Variants in RBMXL1 observed in about 807,000 individuals in gnomAD.
RBMXL1 encodes RNA binding motif protein, X-linked-like-1.
Under a neutral mutation model 29.0 loss-of-function variants are expected in RBMXL1, and 18 were observed. The observed-to-expected ratio is 0.62, with a 90% CI of 0.43 to 0.92. The LOEUF (loss-of-function observed/expected upper bound fraction) is 0.92, where lower values mean the gene tolerates loss of function less well. Among genes scored for constraint, RBMXL1 ranks in the 40% least tolerant of loss-of-function variants. RBMXL1 has a pLI of 0.00. For missense variants in RBMXL1, 403 were observed against 495.8 expected, an observed-to-expected ratio of 0.81 and a Z score of 1.78; for synonymous variants, 141 against 170.4, an observed-to-expected ratio of 0.83 and a Z score of 1.34.
chr1:88,985,368 T>C (rs1178448943), intron 2 of RBMXL1, among the ~76,000 whole-genome samples: 2 of 152,130 alleles, frequency 1.3e-5, no homozygotes, highest in Non-Finnish European at 2.9e-5. Flanking sequence ...TCAAGACAAC[T>C]AGAAGTTTGG....
Position 88,979,928 on chromosome 1 carries a change from A to G in RBMXL1, c.*2726T>C, listed in dbSNP as rs1676995624. 6.6e-6 allele frequency: 1 copy of G among 152,232 alleles called. No homozygotes were observed. Among genetic ancestry groups the G allele is most frequent in the African/African-American group, 2.4e-5 (1 of 41,440 alleles). 9.4% of individuals were successfully genotyped at this position (152,232 alleles called of 1,614,324 possible). On this transcript the variant is annotated 3_prime_UTR_variant, in exon 3 of 3. Transcript: ENST00000652648. ...ACTGGAAACAATCCCAAGGTCCATC[A>G]ACAGGTGAGTAGAAAAACAAATAAT...
rs1412553067 is a variant in RBMXL1 at position 88,982,745 on chromosome 1, T to C, written c.1082A>G (p.Asp361Gly). The change falls in exon 3 of 3, where the codon GAT (aspartate) becomes GGT (glycine). Residue 361 changes from aspartate to glycine, a missense_variant. Transcript: ENST00000652648. ...SVERGYPSSR[D>G]SYSSSSRGAP... ...TCCGCGGCTTGAACTGCTGTAGGAATCACGTGAAGAAGGGTACCCCCTTTC... is the reference window on the plus strand; with the variant it reads ...TCCGCGGCTTGAACTGCTGTAGGAACCACGTGAAGAAGGGTACCCCCTTTC... 6.2e-7 allele frequency: 1 copy of C among 1,613,950 alleles called. No homozygotes were observed. Among genetic ancestry groups the C allele is most frequent in the East Asian group, 2.2e-5 (1 of 44,866 alleles).
chr1:88,983,800 C>T lies in RBMXL1; in HGVS notation c.27G>A (p.Lys9=), dbSNP rs74100106. 7.0e-7 allele frequency: 1 copy of T among 1,432,628 alleles called. No individual in the cohort carries two copies. The highest frequency in any genetic ancestry group is 9.4e-7 in the Non-Finnish European group (1 of 1,059,546). The allele number at this position is 1,432,628 out of a possible 1,614,324, so 88.7% of individuals were successfully genotyped here. A position where few individuals can be genotyped will look rare whatever the true frequency, so the allele number is the denominator to read the frequency against. The change falls in exon 3 of 3, where the codon AAG becomes AAA. Residue 9 remains lysine (K), a synonymous_variant. Transcript: ENST00000652648. The stretch of plus-strand genomic sequence containing the variant: ...CCGTATTAAGCCCACCAATGAAGAG[C>T]TTTCCTGGGCGATCTGCTTCAACCA... The part of the protein sequence containing the change: MVEADRPG[K]LFIGGLNTET...
chr1:88,986,158 G>A (rs1677437873), intron 2 of RBMXL1, among the ~76,000 whole-genome samples: 1 of 150,426 alleles, frequency 6.6e-6, no homozygotes, highest in African/African-American at 2.4e-5. Context: ...TCCAGCCTGG[G>A]CGGCAAGAGT....
At chr1:88,986,204 GAGAGAC>G (rs1398510060) in intron 2 of RBMXL1, among the ~76,000 whole-genome samples, 5 of 151,208 alleles carry the variant, frequency 3.3e-5, no homozygotes, top group African/African-American at 1.2e-4. Context: ...GAGAGAGAGA[GAGAGAC>G]AGAGAGAGTT....
chr1:88,984,996 A>G (rs989046818), intron 2 of RBMXL1, among the ~76,000 whole-genome samples: 3 of 152,240 alleles, frequency 2.0e-5, no homozygotes, highest in Non-Finnish European at 4.4e-5. Context: ...GTTCATTTTT[A>G]TATTTGTATG....
rs761978812 is a variant in RBMXL1 at position 88,983,643 on chromosome 1, C to G, written c.184G>C (p.Ala62Pro). 1.2e-6 allele frequency: 2 copies of G among 1,613,902 alleles called. No homozygotes were observed. The highest frequency in any genetic ancestry group is 8.5e-7 in the Non-Finnish European group (1 of 1,180,034). ...TTCATGTCTCTGGCTGCATCCTTAG[C>G]GTCTGCTGGGCTTTCAAAGGTGACA... ...AFVTFESPADAKDAARDMNGK... is the reference protein window; with the variant it reads ...AFVTFESPADPKDAARDMNGK... Residue 62 changes from alanine (A) to proline (P), a missense_variant, in exon 3 of 3, where the codon GCT becomes CCT. Coordinates refer to ENST00000652648, the MANE Select transcript of RBMXL1 (RefSeq NM_001162536.3).
At chr1:88,990,080 C>T (rs1005213569) in intron 1 of RBMXL1, among the ~76,000 whole-genome samples, 1 of 152,166 alleles carries the variant, frequency 6.6e-6, no homozygotes, top group Non-Finnish European at 1.5e-5. Context: ...AAGCAGATTG[C>T]GCTCTCTACT....
intron 1 of RBMXL1, among the ~76,000 whole-genome samples, chr1:88,990,649 G>A (rs1331898227): frequency 6.6e-6 from 1 of 152,070 alleles, no homozygotes; most frequent in Admixed American, 6.5e-5. Flanking sequence ...CTAGACCTAG[G>A]CTCTCTTTCC....
chr1:88,988,400 A>C, intron 1 of RBMXL1, 49 bp from the exon 2 acceptor site: 1 of 1,063,358 alleles, frequency 9.4e-7, no homozygotes, highest in South Asian at 1.3e-5. Flanking sequence ...TATGATGGGT[A>C]CATCACTATC....
chr1:88,985,741 AATAT>A (rs1196502250), intron 2 of RBMXL1, among the ~76,000 whole-genome samples: 1 of 152,192 alleles, frequency 6.6e-6, no homozygotes, highest in Non-Finnish European at 1.5e-5. Context: ...CATGGCATAC[AATAT>A]ATATACTCCA....
chr1:88,986,206 GAGAC>G (rs1454820348), intron 2 of RBMXL1, among the ~76,000 whole-genome samples: 32 of 148,128 alleles, frequency 2.2e-4, no homozygotes, highest in African/African-American at 7.7e-4. Flanking sequence ...GAGAGAGAGA[GAGAC>G]AGAGAGAGTT....
rs1165202036 is a variant in RBMXL1 at position 88,982,013 on chromosome 1, C to T, written c.*641G>A. 2.0e-6 allele frequency: 2 copies of T among 979,288 alleles called. No homozygotes were observed. The highest frequency in any genetic ancestry group is 3.5e-5 in the African/African-American group (2 of 57,018). The allele number at this position is 979,288 out of a possible 1,614,324, so 60.7% of individuals were successfully genotyped here. A position where few individuals can be genotyped will look rare whatever the true frequency, so the allele number is the denominator to read the frequency against. Reference sequence around the variant, plus strand: ...TAGTATTCCGTAGTTGTTTAGCACACACTTAAATGGTCTTATTGTGGGAGG... The same window carrying T: ...TAGTATTCCGTAGTTGTTTAGCACATACTTAAATGGTCTTATTGTGGGAGG... On this transcript the variant is annotated 3_prime_UTR_variant, in exon 3 of 3. Transcript: ENST00000652648.
At chr1:88,991,884 A>AGTTG (rs1677817736) in intron 1 of RBMXL1, among the ~76,000 whole-genome samples, 1 of 152,088 alleles carries the variant, frequency 6.6e-6, no homozygotes, top group East Asian at 1.9e-4. Context: ...GCGCCACTCG[A>AGTTG]CTCCAAAAGC....
intron 1 of RBMXL1, among the ~76,000 whole-genome samples, chr1:88,991,335 T>C (rs1677782654): frequency 6.6e-6 from 1 of 152,176 alleles, no homozygotes; most frequent in Non-Finnish European, 1.5e-5. Flanking sequence ...TAGTAAGAGA[T>C]TTAATTTGAC....
chr1:88,986,190 A>AAAGAG (rs1677441441), intron 2 of RBMXL1, among the ~76,000 whole-genome samples: 1 of 149,228 alleles, frequency 6.7e-6, no homozygotes, highest in Non-Finnish European at 1.5e-5. Context: ...TGAAAAAAAA[A>AAAGAG]AAAGAGAGAG....
chr1:88,982,657 G>C lies in RBMXL1; in HGVS notation c.1170C>G (p.Tyr390Ter). The change falls in exon 3 of 3, where the codon TAC becomes TAG. Residue 390 changes from tyrosine to a stop codon, truncating the protein, a stop_gained. Transcript: ENST00000652648. LOFTEE classifies it high-confidence loss of function. ...TGGTCCAAAGTTTTGTTTGTTTCTA[G>C]TATCTGCTTCTGCCTCCCCCTCTAT... ...RSDRGGGRSR[Y>*] 6.3e-7 allele frequency: 1 copy of C among 1,593,840 alleles called. No individual in the cohort carries two copies. Among genetic ancestry groups the C allele is most frequent in the Non-Finnish European group, 8.5e-7 (1 of 1,170,706 alleles).
At chr1:88,986,883 C>T (rs925622154) in intron 2 of RBMXL1, among the ~76,000 whole-genome samples, 1 of 152,188 alleles carries the variant, frequency 6.6e-6, no homozygotes, top group African/African-American at 2.4e-5. Flanking sequence ...GAATATTTAT[C>T]TTTATCCCTG....
At chr1:88,987,644 T>C (rs781046555) in intron 2 of RBMXL1, among the ~76,000 whole-genome samples, 2 of 152,186 alleles carry the variant, frequency 1.3e-5, no homozygotes, top group Non-Finnish European at 2.9e-5. Context: ...ATTTTGCCTC[T>C]TTTTTTCTGT....
Sources: gnomAD v4.1 joint callset for allele counts (sites outside exome capture counted in the v4.1 genomes callset) on GRCh38, gnomAD v4.1.1 for gene constraint, MANE v1.5 for transcripts, NCBI Gene and HGNC (gene_info 2026-07-23, HGNC 2026-07-21) for gene names.